The following CUL9 variants were observed in gnomAD, a reference collection of about 807,000 sequenced individuals.
The protein encoded by CUL9 is cullin-9.
A neutral mutation model predicts 272.6 loss-of-function variants in CUL9; 79 were observed. That is an observed-to-expected ratio of 0.29 (90% CI 0.24 to 0.35). CUL9 has a LOEUF of 0.35. Ranked by LOEUF, CUL9 falls within the 10% of genes least tolerant of loss-of-function variation. The pLI, the probability that CUL9 is intolerant of heterozygous loss-of-function variation, is 1.00. For missense variants in CUL9, 2,532 were observed against 3,255.6 expected, an observed-to-expected ratio of 0.78 and a Z score of 5.41; for synonymous variants, 1,186 against 1,286.5, an observed-to-expected ratio of 0.92 and a Z score of 1.67.
intron 1 of CUL9, among the ~76,000 whole-genome samples, chr6:43,182,977 CTCTT>C (rs1647706650): frequency 6.6e-6 from 1 of 152,182 alleles, no homozygotes; most frequent in Non-Finnish European, 1.5e-5. Context: ...TTACTGAACA[CTCTT>C]TATGTGCTAG....
At position 43,206,540 on chromosome 6, in the gene CUL9, T is replaced by TTA; in HGVS notation, c.5212+30_5212+31insTA. The TTA allele has an allele frequency of 6.2e-7, 1 of 1,607,574 alleles. No individual in the cohort carries two copies. Among genetic ancestry groups the TTA allele is most frequent in the East Asian group, 2.2e-5 (1 of 44,798 alleles). ...GGAACTAGGGAGAGGAAATTGGAGA[T>TTA]CGGGGTGAGATTCGGGGTGGCAAGA... is the stretch of plus-strand genomic sequence containing the variant. On this transcript the variant is annotated intron_variant, in intron 26 of 40. Coordinates refer to ENST00000252050, the MANE Select transcript of CUL9 (RefSeq NM_015089.4). This position sits in a 1 kb window ranked among gnomAD's most constrained non-coding sequence, Gnocchi z 4.8.
At position 43,187,597 on chromosome 6, in the gene CUL9, G is replaced by A. The variant is rs908705460; in HGVS notation, c.1582-116G>A. 2.2e-6 allele frequency: 3 copies of A among 1,344,870 alleles called. No homozygotes were observed. The Admixed American group carries it at 5.8e-5, about 26-fold the overall frequency. 83.3% of individuals were successfully genotyped at this position (1,344,870 alleles called of 1,614,324 possible). A position where few individuals can be genotyped will look rare whatever the true frequency, so the allele number is the denominator to read the frequency against. On this transcript the variant is annotated intron_variant, in intron 6 of 40. Transcript: ENST00000252050. ...TGGGGGTTGGAGGCAAGTGCTGTGA[G>A]GGTCTAGTATGTAGAAGGTGTGGGG...
At chr6:43,219,766 A>C (rs1196344513) in intron 31 of CUL9, among the ~76,000 whole-genome samples, 1 of 152,152 alleles carries the variant, frequency 6.6e-6, no homozygotes, top group Non-Finnish European at 1.5e-5. Context: ...GCATAGACCA[A>C]ATGGATGGTG....
rs1287607795 is a variant in CUL9, at chr6:43,223,925, A to G, written c.7285-170A>G. On this transcript the variant is annotated intron_variant, in intron 39 of 40. Coordinates refer to ENST00000252050, the MANE Select transcript of CUL9 (RefSeq NM_015089.4). The surrounding 1 kb of genome is among the most constrained non-coding windows in gnomAD (Gnocchi z 4.1). ...CTCACCTGGTACCCCGTATCCCTGGAGACCATCTGTGGGTGAACTCACAAA... is the reference window on the plus strand; with the variant it reads ...CTCACCTGGTACCCCGTATCCCTGGGGACCATCTGTGGGTGAACTCACAAA... 2.9e-6 allele frequency: 2 copies of G among 681,952 alleles called. No individual in the cohort carries two copies. Among genetic ancestry groups the G allele is most frequent in the Non-Finnish European group, 5.3e-6 (2 of 380,054 alleles). 42.2% of individuals were successfully genotyped at this position (681,952 alleles called of 1,614,324 possible).
chr6:43,186,855 C>G, intron 4 of CUL9, 105 bp from the exon 5 acceptor site: 1 of 1,362,794 alleles, frequency 7.3e-7, no homozygotes, highest in Non-Finnish European at 1.0e-6. Flanking sequence ...TCTGAGGGTG[C>G]GCCCCAGATC....
rs151157929 is a variant in CUL9, at chr6:43,222,344, G to A, written c.6875G>A (p.Arg2292Gln). The A allele has an allele frequency of 1.1e-5, 17 of 1,613,922 alleles. No individual in the cohort carries two copies. Among genetic ancestry groups the A allele is most frequent in the African/African-American group, 2.7e-5 (2 of 74,870 alleles). Residue 2292 changes from arginine (R) to glutamine (Q), a missense_variant, in exon 36 of 41, where the codon CGG (arginine) becomes CAG (glutamine). By Grantham distance (43) the Arg-to-Gln change is conservative. Coordinates refer to ENST00000252050, the MANE Select transcript of CUL9 (RefSeq NM_015089.4). ...AGCAAGGCAGCTCGCCAGGAGAAGC[G>A]GTTTCAGGACTATAATGAGAGGTGC... ...MVSKAARQEKRFQDYNERCTF... is the reference protein window; with the variant it reads ...MVSKAARQEKQFQDYNERCTF...
chr6:43,182,870 T>A (rs188243432), intron 1 of CUL9, among the ~76,000 whole-genome samples: 6 of 152,354 alleles, frequency 3.9e-5, no homozygotes, highest in Admixed American at 3.9e-4. Context: ...ATATCTTTCC[T>A]GATTATTCCA....
At chr6:43,188,375 T>A in intron 7 of CUL9, 148 bp from the exon 8 acceptor site, 1 of 853,016 alleles carries the variant, frequency 1.2e-6, no homozygotes, top group South Asian at 1.8e-5. Flanking sequence ...GATCATTAGA[T>A]CCCTGACACA....
intron 26 of CUL9, among the ~76,000 whole-genome samples, chr6:43,207,381 G>T (rs1426653164): frequency 6.6e-6 from 1 of 152,090 alleles, no homozygotes; most frequent in Non-Finnish European, 1.5e-5. Flanking sequence ...CATATAAATG[G>T]AATCATACAG....
Position 43,223,031 on chromosome 6 carries a change from C to A in CUL9, c.7150+135C>A. Reference sequence around the variant, plus strand: ...TCCTCTTCATTCTTCATGGCCTTCTCACTGCCTGGCTGTTAAAGCTCAGGT... The same window carrying A: ...TCCTCTTCATTCTTCATGGCCTTCTAACTGCCTGGCTGTTAAAGCTCAGGT... On this transcript the variant is annotated intron_variant, in intron 38 of 40. Transcript: ENST00000252050. This position sits in a 1 kb window ranked among gnomAD's most constrained non-coding sequence, Gnocchi z 4.1. 2.2e-6 allele frequency: 2 copies of A among 904,154 alleles called. No homozygotes were observed. The highest frequency in any genetic ancestry group is 2.5e-5 in the East Asian group (1 of 40,018). 56.0% of individuals were successfully genotyped at this position (904,154 alleles called of 1,614,324 possible).
chr6:43,186,255 A>G lies in CUL9; in HGVS notation c.1051A>G (p.Thr351Ala). Reference protein sequence around the residue: ...YISGPSLLLPTIVTTPRRQGW... With the variant: ...YISGPSLLLPAIVTTPRRQGW... The stretch of plus-strand genomic sequence containing the variant: ...TTCAGGCCCCAGCCTTTTACTCCCC[A>G]CCATTGTCACCACCCCCAGAAGACA... The change falls in exon 4 of 41, where the codon ACC becomes GCC. Residue 351 changes from threonine to alanine, a missense_variant. This residue lies in a region of CUL9 where 2,218 missense variants were observed against 2,788.6 expected (regional missense o/e 0.80). Coordinates refer to ENST00000252050, the MANE Select transcript of CUL9 (RefSeq NM_015089.4). The G allele has an allele frequency of 6.2e-7, 1 of 1,614,082 alleles. No homozygotes were observed. Among genetic ancestry groups the G allele is most frequent in the Non-Finnish European group, 8.5e-7 (1 of 1,179,982 alleles).
Position 43,220,665 on chromosome 6 carries a change from T to C in CUL9, c.6423+66T>C. On this transcript the variant is annotated intron_variant, in intron 32 of 40. Coordinates refer to ENST00000252050, the MANE Select transcript of CUL9 (RefSeq NM_015089.4). This position sits in a 1 kb window ranked among gnomAD's most constrained non-coding sequence, Gnocchi z 4.9. ...AAGGAGTGTGCCCCAGGGAGTGGGC[T>C]GAGCTATGGGGTGCTGGGGGCCTGG... is the stretch of plus-strand genomic sequence containing the variant. 1 of 1,605,876 alleles carries C rather than the reference T, an allele frequency of 6.2e-7. No individual in the cohort carries two copies. Among genetic ancestry groups the C allele is most frequent in the Non-Finnish European group, 8.5e-7 (1 of 1,174,834 alleles).
At chr6:43,195,739 G>A (rs1355362859) in intron 9 of CUL9, among the ~76,000 whole-genome samples, 1 of 152,194 alleles carries the variant, frequency 6.6e-6, no homozygotes, top group Non-Finnish European at 1.5e-5. Context: ...ATCCTGAAGG[G>A]AAGATACAGG....
chr6:43,196,589 G>T (rs1226441163), intron 10 of CUL9, 56 bp from the exon 11 acceptor site: 1 of 1,458,012 alleles, frequency 6.9e-7, no homozygotes, highest in Non-Finnish European at 9.6e-7. Context: ...TTGCTTTGCT[G>T]CTTCCATTGC....
intron 9 of CUL9, among the ~76,000 whole-genome samples, chr6:43,194,465 C>T (rs1323540762): frequency 2.6e-5 from 4 of 151,732 alleles, no homozygotes; most frequent in African/African-American, 9.7e-5. Flanking sequence ...ATTACAGGCA[C>T]GTGCCACCAT....
chr6:43,195,832 T>A (rs1773945966), intron 9 of CUL9, among the ~76,000 whole-genome samples: 1 of 152,176 alleles, frequency 6.6e-6, no homozygotes, highest in South Asian at 2.1e-4. Context: ...TACCATCCAG[T>A]CTCAGAGTTT....
At chr6:43,187,497 T>A in intron 6 of CUL9, 58 bp downstream of exon 6, 1 of 1,551,960 alleles carries the variant, frequency 6.4e-7, no homozygotes, top group Non-Finnish European at 8.8e-7. Flanking sequence ...TGGGATTCTC[T>A]AGAGGGAGTT....
At chr6:43,185,688 G>T (rs1442423237) in intron 3 of CUL9, 78 bp downstream of exon 3, 1 of 1,484,046 alleles carries the variant, frequency 6.7e-7, no homozygotes, top group Non-Finnish European at 9.0e-7. Context: ...AGGACTGAAT[G>T]TTAGCACCAG....
At chr6:43,198,374 A>G in intron 11 of CUL9, 1 of 982,696 alleles carries the variant, frequency 1.0e-6, no homozygotes, top group Non-Finnish European at 1.2e-6. Context: ...AGAGATTTAA[A>G]ATGTCTTGTG....
Sources: allele counts gnomAD v4.1 joint callset (sites outside exome capture counted in the v4.1 genomes callset), GRCh38; gene constraint gnomAD v4.1.1; regional missense constraint gnomAD v4.1.1; non-coding constraint Gnocchi (gnomAD v3.1); transcripts MANE v1.5; gene names NCBI Gene and HGNC (gene_info 2026-07-23, HGNC 2026-07-21).